Variants in CD46 observed in about 807,000 individuals in gnomAD.
The protein encoded by CD46 is CD46 molecule, also known as membrane cofactor protein.
A neutral mutation model predicts 53.3 loss-of-function variants in CD46; 30 were observed. The ratio of observed to expected loss-of-function variants is 0.56; its 90% CI spans 0.42 to 0.76. CD46 has a LOEUF of 0.76. Among genes scored for constraint, CD46 ranks in the 30% least tolerant of loss-of-function variants. The pLI is 0.00. For missense variants in CD46, 409 were observed against 463.0 expected (o/e 0.88, Z 1.07); for synonymous variants, 142 against 152.0 (o/e 0.93, Z 0.48).
rs1571686483 is a variant in CD46 at position 207,785,646 on chromosome 1, T to G, written c.1046T>G (p.Val349Gly). ...GTTGGAGTTGCAGTAATTTGTGTTG[T>G]CCCGTACAGATATCTTCAAAGGAGG... Reference protein sequence around the residue: ...IVVGVAVICVVPYRYLQRRKK... With the variant: ...IVVGVAVICVGPYRYLQRRKK... Residue 349 changes from valine to glycine, a missense_variant, in exon 11 of 13, where the codon GTC (valine) becomes GGC (glycine). Transcript: ENST00000367042. 6.2e-7 allele frequency: 1 copy of G among 1,611,194 alleles called. No individual in the cohort carries two copies. Among genetic ancestry groups the G allele is most frequent in the African/African-American group, 1.3e-5 (1 of 74,990 alleles).
chr1:207,772,779 A>T (rs888700113), intron 8 of CD46, among the ~76,000 whole-genome samples: 3 of 152,124 alleles, frequency 2.0e-5, no homozygotes, highest in African/African-American at 7.2e-5. Flanking sequence ...AAGCTTTTTG[A>T]TGTGCTGCTG....
At chr1:207,764,181 G>A (rs1338980189) in intron 5 of CD46, among the ~76,000 whole-genome samples, 2 of 152,188 alleles carry the variant, frequency 1.3e-5, no homozygotes, top group East Asian at 3.8e-4. Context: ...AGGTTCCACA[G>A]CACAGGCACC....
At chr1:207,789,588 C>T (rs999651485) in intron 11 of CD46, among the ~76,000 whole-genome samples, 3 of 152,068 alleles carry the variant, frequency 2.0e-5, no homozygotes, top group East Asian at 1.9e-4. Flanking sequence ...AGTTTTGCAA[C>T]GATGTCTCCT....
intron 6 of CD46, chr1:207,767,466 A>G: frequency 1.2e-6 from 1 of 819,698 alleles, no homozygotes; most frequent in Admixed American, 1.9e-5. Flanking sequence ...TTTATGTATA[A>G]AAAGTGAATT....
In CD46 at chr1:207,790,242, C is replaced by A; in HGVS notation, c.1083-11C>A. 6.9e-7 allele frequency: 1 copy of A among 1,442,010 alleles called. No homozygotes were observed. The highest frequency in any genetic ancestry group is 9.8e-7 in the Non-Finnish European group (1 of 1,023,336). 89.3% of individuals were successfully genotyped at this position (1,442,010 alleles called of 1,614,324 possible). On this transcript the variant is annotated splice_polypyrimidine_tract_variant and intron_variant, in intron 11 of 12. Coordinates refer to ENST00000367042, the MANE Select transcript of CD46 (RefSeq NM_172351.3). ...CTATTTTATTCAGCCGTTTTCTCTTCCTCTGTTCAGCACATACCTAACTGA... is the reference window on the plus strand; with the variant it reads ...CTATTTTATTCAGCCGTTTTCTCTTACTCTGTTCAGCACATACCTAACTGA...
chr1:207,780,865 T>C (rs905992696), intron 8 of CD46, among the ~76,000 whole-genome samples: 2 of 151,988 alleles, frequency 1.3e-5, no homozygotes, highest in Non-Finnish European at 2.9e-5. Flanking sequence ...TATCAAGGCA[T>C]GGGCATCTGT....
chr1:207,775,591 T>C (rs1658006423), intron 8 of CD46, among the ~76,000 whole-genome samples: 1 of 152,170 alleles, frequency 6.6e-6, no homozygotes, highest in Non-Finnish European at 1.5e-5. Context: ...TTTCTGTTTG[T>C]GTGTTTTCCT....
chr1:207,785,837 C>T lies in CD46; in HGVS notation c.1082+155C>T. The T allele has an allele frequency of 4.8e-6, 3 of 619,120 alleles. No homozygotes were observed. The Admixed American group carries it at 8.2e-5, about 17-fold the overall frequency. 38.4% of individuals were successfully genotyped at this position (619,120 alleles called of 1,614,324 possible). ...TTGTCCTACCAATTGCATTTCTTTGCTAAAAATATTTTCAGCTACTTCTAA... is the reference window on the plus strand; with the variant it reads ...TTGTCCTACCAATTGCATTTCTTTGTTAAAAATATTTTCAGCTACTTCTAA... On this transcript the variant is annotated intron_variant, in intron 11 of 12. Transcript: ENST00000367042.
Position 207,752,332 on chromosome 1 carries a change from C to T in CD46, c.97+23C>T. 6.2e-7 allele frequency: 1 copy of T among 1,606,792 alleles called. No homozygotes were observed. On this transcript the variant is annotated intron_variant, in intron 1 of 12. Transcript: ENST00000367042. This position sits in a 1 kb window ranked among gnomAD's most constrained non-coding sequence, Gnocchi z 4.1. Reference sequence around the variant, plus strand: ...CCGGTAGGACCCCGGGGCGGGTTCGCGCGTCCGCGGCGAGACTAGAGCTCT... The same window carrying T: ...CCGGTAGGACCCCGGGGCGGGTTCGTGCGTCCGCGGCGAGACTAGAGCTCT...
intron 12 of CD46, among the ~76,000 whole-genome samples, chr1:207,791,684 T>G (rs1254790984): frequency 2.0e-5 from 3 of 152,198 alleles, no homozygotes; most frequent in Admixed American, 6.5e-5. Flanking sequence ...AGTGAAACCG[T>G]GGATAAGGGA....
intron 11 of CD46, among the ~76,000 whole-genome samples, chr1:207,789,675 C>T (rs974776623): frequency 1.3e-5 from 2 of 151,926 alleles, no homozygotes; most frequent in African/African-American, 4.8e-5. Flanking sequence ...TACATGATGT[C>T]ATAAAGTTGA....
chr1:207,788,171 A>G (rs1263634956), intron 11 of CD46, among the ~76,000 whole-genome samples: 1 of 152,082 alleles, frequency 6.6e-6, no homozygotes, highest in African/African-American at 2.4e-5. Flanking sequence ...AAAAAAGGCT[A>G]TGGGGTAATA....
At chr1:207,767,443 T>C (rs756626554) in intron 6 of CD46, 16 of 742,746 alleles carry the variant, frequency 2.2e-5, no homozygotes, top group Non-Finnish European at 3.7e-5. Flanking sequence ...CATGGGTATA[T>C]GCTTTTAATA....
At chr1:207,773,775 A>C (rs1657781711) in intron 8 of CD46, among the ~76,000 whole-genome samples, 1 of 152,162 alleles carries the variant, frequency 6.6e-6, no homozygotes, top group Non-Finnish European at 1.5e-5. Flanking sequence ...CTGTTCTTTT[A>C]CATTTGCTGA....
intron 9 of CD46, among the ~76,000 whole-genome samples, chr1:207,784,557 C>A (rs1396571593): frequency 1.3e-5 from 2 of 152,152 alleles, no homozygotes; most frequent in African/African-American, 4.8e-5. Context: ...ATCAAAATGA[C>A]CTGGATGCCC....
At chr1:207,764,610 C>A (rs1027393343) in intron 5 of CD46, among the ~76,000 whole-genome samples, 1 of 152,028 alleles carries the variant, frequency 6.6e-6, no homozygotes, top group African/African-American at 2.4e-5. Context: ...ATTCAACAGA[C>A]AAACAAAAGA....
chr1:207,752,417 A>G lies in CD46; in HGVS notation c.97+108A>G. Reference sequence around the variant, plus strand: ...CAGCAGGCCGTGCCTGTTTGGGGACAGGGTTCTCTGAGGGGTGCAGTGCTC... The same window carrying G: ...CAGCAGGCCGTGCCTGTTTGGGGACGGGGTTCTCTGAGGGGTGCAGTGCTC... On this transcript the variant is annotated intron_variant, in intron 1 of 12. Coordinates refer to ENST00000367042, the MANE Select transcript of CD46 (RefSeq NM_172351.3). This position sits in a 1 kb window ranked among gnomAD's most constrained non-coding sequence, Gnocchi z 4.1. The G allele has an allele frequency of 3.7e-6, 4 of 1,077,284 alleles. No homozygotes were observed. The highest frequency in any genetic ancestry group is 5.7e-6 in the Non-Finnish European group (4 of 699,708). The allele number at this position is 1,077,284 out of a possible 1,614,324, so 66.7% of individuals were successfully genotyped here. A position where few individuals can be genotyped will look rare whatever the true frequency, so the allele number is the denominator to read the frequency against.
rs1205540813 is a variant in CD46, at chr1:207,793,754, G to T, written c.*277G>T. ...ATCCTTTGATGCTTCTTTGAAACTT[G>T]TATGAATTTGGGTATGAACAGATTG... On this transcript the variant is annotated 3_prime_UTR_variant, in exon 13 of 13. Transcript: ENST00000367042. 3 of 704,394 alleles carry T rather than the reference G, an allele frequency of 4.3e-6. No homozygotes were observed. The highest frequency in any genetic ancestry group is 7.8e-6 in the Non-Finnish European group (3 of 382,544). 43.6% of individuals were successfully genotyped at this position (704,394 alleles called of 1,614,324 possible).
intron 2 of CD46, 76 bp downstream of exon 2, chr1:207,757,278 C>A: frequency 8.0e-7 from 1 of 1,248,524 alleles, no homozygotes; most frequent in Non-Finnish European, 1.2e-6. Context: ...TATTCCACTA[C>A]GGTGATGATG....
Sources: allele counts gnomAD v4.1 joint callset (sites outside exome capture counted in the v4.1 genomes callset), GRCh38; gene constraint gnomAD v4.1.1; non-coding constraint Gnocchi (gnomAD v3.1); transcripts MANE v1.5; gene names NCBI Gene and HGNC (gene_info 2026-07-23, HGNC 2026-07-21).